The following ABAT variants were observed in gnomAD, a reference collection of about 807,000 sequenced individuals.
The protein encoded by ABAT is 4-aminobutyrate aminotransferase.
Under a neutral mutation model 64.6 loss-of-function variants are expected in ABAT, and 45 were observed. The observed-to-expected ratio is 0.70, with a 90% confidence interval of 0.55 to 0.89. ABAT has a LOEUF of 0.89. ABAT is among the 40% of genes least tolerant of loss of function. ABAT has a pLI of 0.00. For missense variants in ABAT, 633 were observed against 658.4 expected (o/e 0.96, Z 0.42); for synonymous variants, 297 against 250.5 (o/e 1.19, Z -1.75).
intron 4 of ABAT, 66 bp downstream of exon 4, chr16:8,748,203 G>A: frequency 7.0e-7 from 1 of 1,425,394 alleles, no homozygotes; most frequent in Non-Finnish European, 9.9e-7. Context: ...AAAGACAGAT[G>A]CTTAATCTGT....
intron 8 of ABAT, among the ~76,000 whole-genome samples, chr16:8,765,102 C>T (rs889949710): frequency 4.6e-5 from 7 of 152,002 alleles, no homozygotes; most frequent in African/African-American, 1.7e-4. Context: ...GAGGCAAAGG[C>T]GGGCAGATCA....
intron 2 of ABAT, chr16:8,738,436 G>C (rs1286494182): frequency 2.2e-6 from 1 of 455,438 alleles, no homozygotes; most frequent in Non-Finnish European, 4.4e-6. Context: ...GTCTTTTTCT[G>C]CTCCAGGATC....
chr16:8,735,443 G>A (rs553855551), intron 1 of ABAT, among the ~76,000 whole-genome samples: 5 of 152,184 alleles, frequency 3.3e-5, no homozygotes, highest in Non-Finnish European at 5.9e-5. Flanking sequence ...GTGAAGATGG[G>A]ATCTTGCTAT....
intron 6 of ABAT, among the ~76,000 whole-genome samples, chr16:8,763,543 G>C (rs1353242277): frequency 6.6e-6 from 1 of 152,082 alleles, no homozygotes; most frequent in East Asian, 1.9e-4. Context: ...TTTTGCCCAA[G>C]ACACTCTTTC....
At chr16:8,777,245 G>C (rs761833653) in intron 14 of ABAT, among the ~76,000 whole-genome samples, 2 of 151,478 alleles carry the variant, frequency 1.3e-5, no homozygotes, top group African/African-American at 4.9e-5. Context: ...CCCCCTTTGA[G>C]AGTCCCCCAA....
At chr16:8,736,927 T>C (rs1427278525) in intron 2 of ABAT, 2 of 152,134 alleles carry the variant, frequency 1.3e-5, no homozygotes, top group Non-Finnish European at 2.9e-5. Context: ...CCTGCAGAGA[T>C]ATAAAGTGCC....
intron 1 of ABAT, among the ~76,000 whole-genome samples, chr16:8,689,832 G>A (rs2057540222): frequency 6.6e-6 from 1 of 152,188 alleles, no homozygotes; most frequent in Non-Finnish European, 1.5e-5. Flanking sequence ...ACAAACAGTA[G>A]ATCCTCGTGG....
intron 1 of ABAT, among the ~76,000 whole-genome samples, chr16:8,680,698 G>A (rs998569579): frequency 1.3e-5 from 2 of 152,172 alleles, no homozygotes; most frequent in African/African-American, 4.8e-5. Flanking sequence ...AAAGTGCTGG[G>A]ATTACTGGCA....
At chr16:8,715,139 T>C (rs1185581298) in intron 1 of ABAT, 2 of 152,216 alleles carry the variant, frequency 1.3e-5, no homozygotes, top group Non-Finnish European at 2.9e-5. Context: ...CACTTCATTT[T>C]GCAAGGACAT....
At chr16:8,731,151 C>T (rs1356900593) in intron 1 of ABAT, among the ~76,000 whole-genome samples, 1 of 152,108 alleles carries the variant, frequency 6.6e-6, no homozygotes, top group Non-Finnish European at 1.5e-5. Flanking sequence ...TTAGTAGAGA[C>T]AGGGTTTTAC....
chr16:8,704,507 C>T (rs1299115178), intron 1 of ABAT, among the ~76,000 whole-genome samples: 1 of 152,160 alleles, frequency 6.6e-6, no homozygotes, highest in Non-Finnish European at 1.5e-5. Context: ...GAATCAGAAA[C>T]TACAAAAAGG....
chr16:8,771,464 C>CTTTTTT (rs1207440161), intron 11 of ABAT, among the ~76,000 whole-genome samples: 1,869 of 108,066 alleles, frequency 0.017, 110 homozygotes, highest in African/African-American at 0.056. Flanking sequence ...TAGGGTTTTT[C>CTTTTTT]TTTCTTTTTT....
chr16:8,712,405 G>A (rs576997725), intron 1 of ABAT, among the ~76,000 whole-genome samples: 4 of 152,188 alleles, frequency 2.6e-5, no homozygotes, highest in Non-Finnish European at 2.9e-5. Context: ...AATGGTAGAG[G>A]CTAGTAGTGG....
chr16:8,783,723 G>A lies in ABAT; in HGVS notation c.*2293G>A, dbSNP rs1444140309. The A allele has an allele frequency of 6.6e-6, 1 of 152,138 alleles. No homozygotes were observed. Among genetic ancestry groups the A allele is most frequent in the Non-Finnish European group, 1.5e-5 (1 of 68,034 alleles). The allele number at this position is 152,138 out of a possible 1,614,324, so 9.4% of individuals were successfully genotyped here. On this transcript the variant is annotated 3_prime_UTR_variant, in exon 16 of 16. Transcript: ENST00000268251. ...AGCATTGGGTGCAAATATTCAGTAT[G>A]GTTCTCGGAGTCCAAAGGGTTTTAA... is the stretch of plus-strand genomic sequence containing the variant.
At chr16:8,737,422 A>T (rs952727815) in intron 2 of ABAT, 1 of 152,150 alleles carries the variant, frequency 6.6e-6, no homozygotes, top group Non-Finnish European at 1.5e-5. Flanking sequence ...GGTGGCAGTG[A>T]GCTGGATCGT....
intron 3 of ABAT, among the ~76,000 whole-genome samples, 181 bp downstream of exon 3, chr16:8,746,279 C>T (rs2059326264): frequency 6.6e-6 from 1 of 152,142 alleles, no homozygotes; most frequent in East Asian, 2.0e-4. Context: ...AAGGGCTGGG[C>T]GCGGTGGCTG....
At chr16:8,763,741 A>C (rs1239945592) in intron 6 of ABAT, among the ~76,000 whole-genome samples, 1 of 152,170 alleles carries the variant, frequency 6.6e-6, no homozygotes, top group African/African-American at 2.4e-5. Flanking sequence ...TATATAAAGA[A>C]AGAGACTCAC....
intron 6 of ABAT, among the ~76,000 whole-genome samples, chr16:8,759,102 A>C (rs963807979): frequency 1.1e-4 from 16 of 152,030 alleles, no homozygotes; most frequent in African/African-American, 3.6e-4. Flanking sequence ...ACTTTATCCC[A>C]AAAAATAATA....
intron 1 of ABAT, among the ~76,000 whole-genome samples, chr16:8,733,236 C>T (rs1328762486): frequency 1.3e-5 from 2 of 148,554 alleles, no homozygotes; most frequent in Non-Finnish European, 3.0e-5. Flanking sequence ...TCAGACGGGG[C>T]GGCCGGGCAG....
Sources: allele counts gnomAD v4.1 joint callset (sites outside exome capture counted in the v4.1 genomes callset), GRCh38; gene constraint gnomAD v4.1.1; transcripts MANE v1.5; gene names NCBI Gene and HGNC (gene_info 2026-07-23, HGNC 2026-07-21).